ASCC3: variants seen among roughly 807,000 people sequenced by gnomAD.
The protein encoded by ASCC3 is activating signal cointegrator 1 complex subunit 3, also known as ASC-1 complex subunit P200.
A neutral mutation model predicts 256.3 loss-of-function variants in ASCC3; 158 were observed. That is an observed-to-expected ratio of 0.62 (90% CI 0.54 to 0.70). The LOEUF is 0.70. Ranked by LOEUF, ASCC3 falls within the 30% of genes least tolerant of loss-of-function variation. ASCC3 has a pLI of 0.00. For synonymous variants in ASCC3, 948 were observed against 883.4 expected (o/e 1.07, Z -1.30); for missense variants, 2,259 against 2,626.0 (o/e 0.86, Z 3.05).
intron 3 of ASCC3, among the ~76,000 whole-genome samples, chr6:100,850,365 C>T (rs1772606840): frequency 2.0e-5 from 3 of 152,032 alleles, no homozygotes; most frequent in Admixed American, 1.3e-4. Flanking sequence ...CAAATCCTAC[C>T]CATGTTTCAG....
chr6:100,748,262 C>A (rs1344048064), intron 10 of ASCC3, among the ~76,000 whole-genome samples: 1 of 151,392 alleles, frequency 6.6e-6, no homozygotes, highest in Non-Finnish European at 1.5e-5. Flanking sequence ...CAATGTAGCA[C>A]AATCATCAAG....
chr6:100,650,057 C>G (rs1775578971), intron 20 of ASCC3, among the ~76,000 whole-genome samples: 1 of 151,442 alleles, frequency 6.6e-6, no homozygotes, highest in Non-Finnish European at 1.5e-5. Flanking sequence ...TTGTAAAAAC[C>G]AGAGACATCA....
intron 34 of ASCC3, among the ~76,000 whole-genome samples, chr6:100,598,151 C>T (rs62422677): frequency 0.072 from 10,952 of 151,868 alleles, 550 homozygotes; most frequent in East Asian, 0.15. Context: ...TGAGAGGAAC[C>T]TCTTATGTAG....
intron 8 of ASCC3, among the ~76,000 whole-genome samples, chr6:100,795,720 A>G (rs1769578417): frequency 6.6e-6 from 1 of 152,184 alleles, no homozygotes; most frequent in African/African-American, 2.4e-5. Flanking sequence ...AGAAGTTATT[A>G]AACTTATCCA....
chr6:100,681,725 C>CAAAAAAAAAAAAAA (rs10696130), intron 13 of ASCC3, among the ~76,000 whole-genome samples: 4 of 58,658 alleles, frequency 6.8e-5, no homozygotes, highest in South Asian at 1.7e-3. Context: ...GACTCCGTCT[C>CAAAAAAAAAAAAAA]AAAAAAAAAA....
At position 100,516,083 on chromosome 6, in the gene ASCC3, T is replaced by G. The variant is rs955741127; in HGVS notation, c.6075+97A>C. 4.2e-6 allele frequency: 6 copies of G among 1,442,856 alleles called. No homozygotes were observed. In the African/African-American group the frequency reaches 7.0e-5, roughly 17 times the overall value. The allele number at this position is 1,442,856 out of a possible 1,614,324, so 89.4% of individuals were successfully genotyped here. ...ATGGCAGAGACAATTTAACTCAAGG[T>G]GAGCCTGGTTCCAAAATCCATGCTC... is the stretch of plus-strand genomic sequence containing the variant. On this transcript the variant is annotated intron_variant, in intron 39 of 41. Transcript: ENST00000369162.
At chr6:100,858,860 A>T in intron 3 of ASCC3, 1 of 490,260 alleles carries the variant, frequency 2.0e-6, no homozygotes, top group Non-Finnish European at 3.4e-6. Context: ...AAAATACGTA[A>T]TTTTTTTCTG....
chr6:100,626,003 T>C (rs1000865761), intron 29 of ASCC3, among the ~76,000 whole-genome samples: 7 of 151,890 alleles, frequency 4.6e-5, no homozygotes, highest in African/African-American at 1.7e-4. Flanking sequence ...TAATGGGACA[T>C]GGTAGTCAAC....
At chr6:100,525,900 C>T (rs1213987466) in intron 37 of ASCC3, among the ~76,000 whole-genome samples, 1 of 152,078 alleles carries the variant, frequency 6.6e-6, no homozygotes, top group Non-Finnish European at 1.5e-5. Flanking sequence ...AGAAAATGCA[C>T]TATTTAGTTC....
intron 14 of ASCC3, among the ~76,000 whole-genome samples, chr6:100,663,862 T>C (rs545872708): frequency 3.9e-5 from 6 of 152,238 alleles, no homozygotes; most frequent in South Asian, 2.1e-4. Flanking sequence ...ACGCACTTAA[T>C]TGACACCAAT....
intron 14 of ASCC3, among the ~76,000 whole-genome samples, chr6:100,674,696 G>C (rs1035746137): frequency 2.0e-5 from 3 of 149,000 alleles, no homozygotes; most frequent in South Asian, 4.3e-4. Flanking sequence ...GCAGTGGCGC[G>C]ATCTTGGCTC....
intron 10 of ASCC3, among the ~76,000 whole-genome samples, chr6:100,761,256 C>T (rs565982511): frequency 4.3e-4 from 66 of 152,122 alleles, no homozygotes; most frequent in African/African-American, 1.0e-3. Context: ...TTTAGGAGGC[C>T]GAGGCAAGAG....
At chr6:100,617,816 C>T (rs556586716) in intron 30 of ASCC3, among the ~76,000 whole-genome samples, 1 of 152,354 alleles carries the variant, frequency 6.6e-6, no homozygotes, top group Admixed American at 6.5e-5. Context: ...TCCTCATTTT[C>T]TATCTCAGCT....
At chr6:100,776,065 G>A (rs758726056) in intron 8 of ASCC3, among the ~76,000 whole-genome samples, 32 of 152,022 alleles carry the variant, frequency 2.1e-4, no homozygotes, top group Non-Finnish European at 3.8e-4. Context: ...CTCAACTTTA[G>A]AACTACATGC....
intron 36 of ASCC3, among the ~76,000 whole-genome samples, chr6:100,580,814 T>A (rs1216299134): frequency 2.1e-5 from 3 of 145,414 alleles, no homozygotes; most frequent in Non-Finnish European, 3.0e-5. Context: ...TTCCCACCTA[T>A]GAGTGAGAAT....
intron 4 of ASCC3, among the ~76,000 whole-genome samples, chr6:100,847,591 G>A (rs1019211981): frequency 6.6e-6 from 1 of 151,944 alleles, no homozygotes; most frequent in Non-Finnish European, 1.5e-5. Flanking sequence ...AATAATCACA[G>A]CTACCACATA....
At chr6:100,804,363 T>A (rs1411230823) in intron 5 of ASCC3, among the ~76,000 whole-genome samples, 1 of 152,076 alleles carries the variant, frequency 6.6e-6, no homozygotes, top group East Asian at 1.9e-4. Context: ...AATAAAAAGT[T>A]GGAGAGAAAT....
In ASCC3 at chr6:100,677,606, A is replaced by G. The variant is rs185829695; in HGVS notation, c.2286+2012T>C. ...TCAGATGAGAAAATTAAAGTGAAAC[A>G]TCTATTATAATGTCAGTCTCAGAGG... On this transcript the variant is annotated intron_variant, in intron 14 of 41. Coordinates refer to ENST00000369162, the MANE Select transcript of ASCC3 (RefSeq NM_006828.4). 5.3e-5 allele frequency among the ~76,000 whole-genome samples: 8 copies of G among 152,304 alleles called. No individual in the cohort carries two copies. The East Asian group carries it at 1.5e-3, about 29-fold the overall frequency.
intron 13 of ASCC3, among the ~76,000 whole-genome samples, chr6:100,703,542 A>T (rs1259191791): frequency 6.6e-6 from 1 of 152,036 alleles, no homozygotes; most frequent in African/African-American, 2.4e-5. Flanking sequence ...TACGGTGCTA[A>T]GAAATTATTG....
Sources: gnomAD v4.1 joint callset for allele counts (sites outside exome capture counted in the v4.1 genomes callset) on GRCh38, gnomAD v4.1.1 for gene constraint, MANE v1.5 for transcripts, NCBI Gene and HGNC (gene_info 2026-07-23, HGNC 2026-07-21) for gene names.